TASOR: variants seen among roughly 807,000 people sequenced by gnomAD.
TASOR encodes the protein protein TASOR.
TASOR carries 53 observed loss-of-function variants against 178.6 expected under a neutral mutation model. The ratio of observed to expected loss-of-function variants is 0.30; its 90% CI spans 0.24 to 0.37. The LOEUF (loss-of-function observed/expected upper bound fraction) is 0.37. Among genes scored for constraint, TASOR ranks in the 10% least tolerant of loss-of-function variants. The pLI is 1.00. For missense variants in TASOR, 1,815 were observed against 1,971.4 expected (o/e 0.92, Z 1.50); for synonymous variants, 713 against 696.2 (o/e 1.02, Z -0.38).
intron 2 of TASOR, among the ~76,000 whole-genome samples, chr3:56,672,301 T>G (rs7639731): frequency 0.23 from 35,679 of 152,104 alleles, 5,120 homozygotes; most frequent in South Asian, 0.45. Context: ...AATAACTAAT[T>G]TATCTTCAGA....
intron 14 of TASOR, 69 bp downstream of exon 14, chr3:56,646,453 C>A: frequency 1.5e-6 from 2 of 1,295,980 alleles, no homozygotes; most frequent in African/African-American, 3.0e-5. Context: ...AATTTATACG[C>A]CCCTCTGCTA....
chr3:56,676,171 C>T (rs1470321054), intron 1 of TASOR, among the ~76,000 whole-genome samples: 2 of 152,218 alleles, frequency 1.3e-5, no homozygotes, highest in African/African-American at 2.4e-5. Context: ...TTGCTCATTA[C>T]TCGTGTTTCC....
Position 56,633,595 on chromosome 3 carries a change from A to G in TASOR, c.3196T>C (p.Tyr1066His), listed in dbSNP as rs2076959629. The change falls in exon 18 of 24, where the codon TAT becomes CAT. Residue 1066 changes from tyrosine to histidine, a missense_variant. This residue lies in a region of TASOR where 655 missense variants were observed against 671.1 expected (regional missense o/e 0.98). Transcript: ENST00000683822. The stretch of plus-strand genomic sequence containing the variant: ...ACACCAGCTTTGGAAGTCTTAGAAT[A>G]TATGAACTCGGAAAGCCGTTTCATC... ...EKMKRLSEFI[Y>H]SKTSKAGVQE... The G allele has an allele frequency of 6.2e-7, 1 of 1,614,144 alleles. No individual in the cohort carries two copies. Among genetic ancestry groups the G allele is most frequent in the Non-Finnish European group, 8.5e-7 (1 of 1,180,036 alleles).
chr3:56,624,383 G>A lies in TASOR; in HGVS notation c.4483+96C>T, dbSNP rs182615098. The A allele has an allele frequency of 4.9e-4, 604 of 1,243,550 alleles. 1 individual carries two copies. The highest frequency in any genetic ancestry group is 6.0e-4 in the Non-Finnish European group (526 of 879,226). 77.0% of individuals were successfully genotyped at this position (1,243,550 alleles called of 1,614,324 possible). A position where few individuals can be genotyped will look rare whatever the true frequency, so the allele number is the denominator to read the frequency against. On this transcript the variant is annotated intron_variant, in intron 23 of 23. Transcript: ENST00000683822. The stretch of plus-strand genomic sequence containing the variant: ...CCTATGGCTGTTTATACTGAGGTAC[G>A]TGGTTTCAAAATGGTCATTTCATTA...
chr3:56,650,589 G>C (rs2077330687), intron 11 of TASOR, among the ~76,000 whole-genome samples: 1 of 152,194 alleles, frequency 6.6e-6, no homozygotes, highest in Admixed American at 6.5e-5. Context: ...ATGAGGGTCA[G>C]TTATCAGGTC....
intron 6 of TASOR, among the ~76,000 whole-genome samples, chr3:56,667,587 G>C (rs112959123): frequency 2.6e-5 from 4 of 152,170 alleles, no homozygotes; most frequent in African/African-American, 4.8e-5. Flanking sequence ...AACCTGGGGG[G>C]CAGAGGTTGC....
chr3:56,665,544 A>C (rs573705316), intron 7 of TASOR, among the ~76,000 whole-genome samples: 3 of 152,152 alleles, frequency 2.0e-5, no homozygotes, highest in Non-Finnish European at 4.4e-5. Context: ...GTTTTAGTAG[A>C]GACACAGTTT....
intron 6 of TASOR, among the ~76,000 whole-genome samples, chr3:56,666,897 C>T (rs2030056762): frequency 6.6e-6 from 1 of 152,188 alleles, no homozygotes; most frequent in South Asian, 2.1e-4. Context: ...AGTCTTTCCC[C>T]TTCACCTCTT....
intron 11 of TASOR, among the ~76,000 whole-genome samples, chr3:56,659,238 A>G (rs2077542008): frequency 6.6e-6 from 1 of 151,944 alleles, no homozygotes; most frequent in African/African-American, 2.4e-5. Flanking sequence ...GGCTCAACAA[A>G]GTGAGAAGTA....
In TASOR at chr3:56,663,098, G is replaced by A. The variant is rs186786788; in HGVS notation, c.1054+443C>T. Among the ~76,000 whole-genome samples the A allele has an allele frequency of 2.2e-4, 34 of 152,092 alleles. No homozygotes were observed. In the East Asian group the frequency reaches 6.6e-3, roughly 29 times the overall value. ...AGGAGAAGGCTGAGGCTGGAGAATC[G>A]CTGGAACCCAGGAGGCAGAGGTTGC... On this transcript the variant is annotated intron_variant, in intron 8 of 23. Transcript: ENST00000683822.
intron 17 of TASOR, among the ~76,000 whole-genome samples, chr3:56,635,264 T>G (rs558700840): frequency 6.6e-5 from 10 of 152,324 alleles, no homozygotes; most frequent in Admixed American, 3.3e-4. Context: ...AAGGCGGGTC[T>G]GTAGGCGGAG....
rs1359251221 is a variant in TASOR at position 56,641,419 on chromosome 3, G to A, written c.2549C>T (p.Ala850Val). 1 of 1,603,926 alleles carries A rather than the reference G, an allele frequency of 6.2e-7. No homozygotes were observed. The highest frequency in any genetic ancestry group is 2.2e-5 in the East Asian group (1 of 44,562). ...AATAGCAACAGAATACTTAGATGTT[G>A]CATCAACTTCTAGTAATAAGCTCTG... ...GTQSLLLEVD[A>V]TSKYSVAIST... The change falls in exon 15 of 24, where the codon GCA (alanine) becomes GTA (valine). Residue 850 changes from alanine (A) to valine (V), a missense_variant. Ala to Val is a moderately conservative substitution (Grantham distance 64). This residue lies in a region of TASOR where 655 missense variants were observed against 671.1 expected (regional missense o/e 0.98). Transcript: ENST00000683822.
intron 18 of TASOR, among the ~76,000 whole-genome samples, chr3:56,632,405 G>T (rs2076935620): frequency 6.6e-6 from 1 of 151,930 alleles, no homozygotes; most frequent in Non-Finnish European, 1.5e-5. Context: ...AACTTGGGAG[G>T]CAGAGGTTGC....
Position 56,624,604 on chromosome 3 carries a change from C to G in TASOR, c.4358G>C (p.Gly1453Ala), listed in dbSNP as rs2076758836. ...GTCTTCAGCAGTTGCAACCACTATTCCATTATCTGTATAACTGGAAAGCAT... is the reference window on the plus strand; with the variant it reads ...GTCTTCAGCAGTTGCAACCACTATTGCATTATCTGTATAACTGGAAAGCAT... Reference protein sequence around the residue: ...IKMLSSYTDNGIVVATAEDFM... With the variant: ...IKMLSSYTDNAIVVATAEDFM... The change falls in exon 23 of 24, where the codon GGA (glycine) becomes GCA (alanine). Residue 1453 changes from glycine to alanine, a missense_variant. Physicochemically the swap from Gly to Ala is moderately conservative, Grantham distance 60 (BLOSUM62 0). This residue lies in a region of TASOR where 278 missense variants were observed against 257.1 expected (regional missense o/e 1.08). Coordinates refer to ENST00000683822, the MANE Select transcript of TASOR (RefSeq NM_001365635.2). 1 of 1,613,904 alleles carries G rather than the reference C, an allele frequency of 6.2e-7. No homozygotes were observed. The highest frequency in any genetic ancestry group is 8.5e-7 in the Non-Finnish European group (1 of 1,179,972).
intron 11 of TASOR, among the ~76,000 whole-genome samples, chr3:56,658,472 A>G (rs1428572985): frequency 6.6e-6 from 1 of 152,232 alleles, no homozygotes; most frequent in Non-Finnish European, 1.5e-5. Flanking sequence ...GTATCTCTCC[A>G]TATCCAAACC....
intron 17 of TASOR, 31 bp downstream of exon 17, chr3:56,638,675 C>A (rs1466421552): frequency 6.2e-7 from 1 of 1,613,036 alleles, no homozygotes. Flanking sequence ...GAAGGGCACA[C>A]TGGGAAGAAA....
chr3:56,643,529 G>A (rs1268012712), intron 14 of TASOR, among the ~76,000 whole-genome samples: 2 of 152,086 alleles, frequency 1.3e-5, no homozygotes, highest in African/African-American at 4.8e-5. Context: ...TTGGGAGGCC[G>A]AGGCGGGCGG....
At position 56,641,361 on chromosome 3, in the gene TASOR, T is replaced by C; in HGVS notation, c.2607A>G (p.Leu869=). The C allele has an allele frequency of 1.3e-6, 2 of 1,589,250 alleles. No individual in the cohort carries two copies. The highest frequency in any genetic ancestry group is 1.7e-6 in the Non-Finnish European group (2 of 1,160,070). ...GCTATATGCTTACTTCTTTCAAATGTAGCTTATGGTCAGTGCCCACTTCGC... is the reference window on the plus strand; with the variant it reads ...GCTATATGCTTACTTCTTTCAAATGCAGCTTATGGTCAGTGCCCACTTCGC... ...STSEVGTDHK[L]HLKEDPNLIS... is the part of the protein sequence containing the mutation. The change falls in exon 15 of 24, where the codon CTA becomes CTG. Residue 869 remains leucine, a synonymous_variant. Transcript: ENST00000683822.
intron 13 of TASOR, among the ~76,000 whole-genome samples, chr3:56,648,272 A>G (rs2077276916): frequency 6.6e-6 from 1 of 152,176 alleles, no homozygotes. Context: ...CTACAGTACT[A>G]TAACAATTAT....
Sources: allele counts gnomAD v4.1 joint callset (sites outside exome capture counted in the v4.1 genomes callset), GRCh38; gene constraint gnomAD v4.1.1; regional missense constraint gnomAD v4.1.1; transcripts MANE v1.5; gene names NCBI Gene and HGNC (gene_info 2026-07-23, HGNC 2026-07-21).